Variants in FYN observed in about 807,000 individuals in gnomAD.
FYN encodes the protein tyrosine-protein kinase Fyn.
In FYN, 10 loss-of-function variants were observed where a neutral mutation model predicts 70.2. The ratio of observed to expected loss-of-function variants is 0.14; its 90% CI spans 0.09 to 0.24. The LOEUF (loss-of-function observed/expected upper bound fraction) is 0.24, where lower values mean the gene tolerates loss of function less well. FYN is among the 10% of genes least tolerant of loss of function. FYN has a pLI of 1.00. For synonymous variants in FYN, 236 were observed against 248.6 expected (o/e 0.95, Z 0.48); for missense variants, 319 against 673.1 (o/e 0.47, Z 5.82).
At chr6:111,695,492 T>C (rs1583319328) in intron 10 of FYN, among the ~76,000 whole-genome samples, 1 of 152,364 alleles carries the variant, frequency 6.6e-6, no homozygotes, top group East Asian at 1.9e-4. Flanking sequence ...TGGAGGCTTA[T>C]GATGGTCATC....
intron 13 of FYN, among the ~76,000 whole-genome samples, chr6:111,665,626 ATTTAT>A (rs1261687797): frequency 4.0e-5 from 6 of 151,456 alleles, no homozygotes; most frequent in Admixed American, 1.3e-4. Context: ...TTTTTTATTT[ATTTAT>A]TTTTTTTTGA....
In FYN at chr6:111,672,170, T is replaced by C. The variant is rs144152470; in HGVS notation, c.1405+2329A>G. On this transcript the variant is annotated intron_variant, in intron 13 of 13. Transcript: ENST00000354650. ...CTTCTCAGATTCATCCTGTGGTCCCTGGAACTGTCCTCCCAGGCCTATGTG... is the reference window on the plus strand; with the variant it reads ...CTTCTCAGATTCATCCTGTGGTCCCCGGAACTGTCCTCCCAGGCCTATGTG... 7.7e-3 allele frequency among the ~76,000 whole-genome samples: 1,169 copies of C among 152,340 alleles called. 14 individuals carry two copies. Among genetic ancestry groups the C allele is most frequent in the African/African-American group, 0.026 (1,086 of 41,584 alleles).
chr6:111,838,911 A>AC (rs1292727792), intron 2 of FYN, among the ~76,000 whole-genome samples: 1 of 152,244 alleles, frequency 6.6e-6, no homozygotes, highest in Non-Finnish European at 1.5e-5. Flanking sequence ...GCTTTCAGCC[A>AC]CAGACATTCA....
chr6:111,783,861 G>C (rs530098274), intron 2 of FYN, among the ~76,000 whole-genome samples: 14 of 152,342 alleles, frequency 9.2e-5, no homozygotes, highest in African/African-American at 3.1e-4. Context: ...CCAGGAGCTT[G>C]TAAGAGCTGT....
At chr6:111,730,019 T>C (rs1279981838) in intron 3 of FYN, among the ~76,000 whole-genome samples, 1 of 152,250 alleles carries the variant, frequency 6.6e-6, no homozygotes, top group Non-Finnish European at 1.5e-5. Context: ...TGATGAAGTA[T>C]ACTTTGTCAA....
chr6:111,805,198 C>T (rs1772110017), intron 2 of FYN, among the ~76,000 whole-genome samples: 1 of 152,146 alleles, frequency 6.6e-6, no homozygotes, highest in African/African-American at 2.4e-5. Context: ...TTTCTACCAG[C>T]GAAGAGGCTG....
At chr6:111,816,731 G>A (rs144131678) in intron 2 of FYN, among the ~76,000 whole-genome samples, 175 of 152,290 alleles carry the variant, frequency 1.1e-3, no homozygotes, top group Non-Finnish European at 2.0e-3. Flanking sequence ...AGAATGTTTA[G>A]GCAATAAATA....
intron 2 of FYN, chr6:111,844,933 G>T (rs1163767391): frequency 6.6e-6 from 1 of 152,254 alleles, no homozygotes; most frequent in African/African-American, 2.4e-5. Context: ...CCACTTTACT[G>T]ATAAGAAAAA....
intron 1 of FYN, among the ~76,000 whole-genome samples, chr6:111,852,374 T>C (rs971641726): frequency 6.6e-6 from 1 of 152,126 alleles, no homozygotes; most frequent in Non-Finnish European, 1.5e-5. Context: ...CTGTATCAAA[T>C]GGTGGAATGA....
chr6:111,755,396 A>G (rs1321491743), intron 3 of FYN, among the ~76,000 whole-genome samples: 3 of 152,174 alleles, frequency 2.0e-5, no homozygotes. Flanking sequence ...TATAAAGCAA[A>G]TCATCAGAAT....
intron 3 of FYN, among the ~76,000 whole-genome samples, chr6:111,753,591 A>G (rs867929941): frequency 5.9e-5 from 9 of 152,252 alleles, no homozygotes; most frequent in African/African-American, 2.2e-4. Flanking sequence ...ATTAGGCCAC[A>G]ACTGACATGA....
intron 3 of FYN, among the ~76,000 whole-genome samples, chr6:111,772,851 G>A (rs1245297213): frequency 6.6e-6 from 1 of 150,594 alleles, no homozygotes. Flanking sequence ...AGATTTTGGG[G>A]TGGGGGCGGG....
intron 3 of FYN, among the ~76,000 whole-genome samples, chr6:111,721,457 T>C (rs1382197765): frequency 2.6e-5 from 4 of 152,132 alleles, no homozygotes; most frequent in Non-Finnish European, 5.9e-5. Flanking sequence ...TGAGATGGAG[T>C]CTCACTCTGT....
intron 3 of FYN, among the ~76,000 whole-genome samples, chr6:111,722,869 A>G (rs567595325): frequency 2.0e-4 from 31 of 152,376 alleles, no homozygotes; most frequent in African/African-American, 7.0e-4. Flanking sequence ...AAGAATTTAT[A>G]TCTACATCTT....
intron 1 of FYN, among the ~76,000 whole-genome samples, chr6:111,856,580 T>A (rs944636175): frequency 3.3e-5 from 5 of 152,200 alleles, no homozygotes; most frequent in Admixed American, 6.5e-5. Flanking sequence ...AAAAATTTTA[T>A]TTCTGAAAAG....
chr6:111,755,401 CA>C (rs1009544891), intron 3 of FYN, among the ~76,000 whole-genome samples: 6 of 152,050 alleles, frequency 3.9e-5, no homozygotes, highest in Non-Finnish European at 5.9e-5. Flanking sequence ...AGCAAATCAT[CA>C]GAATTTTAAG....
chr6:111,664,967 G>T (rs552542004), intron 13 of FYN, among the ~76,000 whole-genome samples: 10 of 152,262 alleles, frequency 6.6e-5, no homozygotes, highest in African/African-American at 2.4e-4. Context: ...TGCAGACCTG[G>T]CAACTTCACA....
At chr6:111,721,159 C>T (rs1364815283) in intron 3 of FYN, among the ~76,000 whole-genome samples, 2 of 152,180 alleles carry the variant, frequency 1.3e-5, no homozygotes, top group African/African-American at 2.4e-5. Flanking sequence ...AGGCGTTCTC[C>T]GACTGCCCTG....
chr6:111,754,781 AACACAAAC>A lies in FYN; in HGVS notation c.-12+25777_-12+25784del, dbSNP rs1202667196. On this transcript the variant is annotated intron_variant, in intron 3 of 13. Transcript: ENST00000354650. Reference sequence around the variant, plus strand: ...ATAGGTGCCCACTAAAACATTCCTTAACACAAACACACAAACACACACACAACCTGAGT... The same window carrying A: ...ATAGGTGCCCACTAAAACATTCCTTAACACAAACACACACACAACCTGAGT... The A allele has an allele frequency of 2.6e-5, 4 of 152,112 alleles. No individual in the cohort carries two copies. In the East Asian group the frequency reaches 7.7e-4, roughly 29 times the overall value. 9.4% of individuals were successfully genotyped at this position (152,112 alleles called of 1,614,324 possible). A position where few individuals can be genotyped will look rare whatever the true frequency, so the allele number is the denominator to read the frequency against.
Sources: allele counts gnomAD v4.1 joint callset (sites outside exome capture counted in the v4.1 genomes callset), GRCh38; gene constraint gnomAD v4.1.1; transcripts MANE v1.5; gene names NCBI Gene and HGNC (gene_info 2026-07-23, HGNC 2026-07-21).